The following GLIS2 variants were observed in gnomAD, a reference collection of about 807,000 sequenced individuals.
The protein encoded by GLIS2 is GLIS family zinc finger 2, also known as zinc finger protein GLIS2.
GLIS2 carries 14 observed loss-of-function variants against 35.6 expected under a neutral mutation model. The ratio of observed to expected loss-of-function variants is 0.39; its 90% CI spans 0.26 to 0.61. GLIS2 has a LOEUF of 0.61. GLIS2 is among the 20% of genes least tolerant of loss of function. The probability of loss-of-function intolerance (pLI) is 0.48; values close to 1 mark genes in which losing one functional copy is unlikely to be tolerated. For missense variants in GLIS2, 675 were observed against 713.4 expected (o/e 0.95, Z 0.61); for synonymous variants, 368 against 325.1 (o/e 1.13, Z -1.42).
At chr16:4,328,949 C>T (rs1303151518) in intron 1 of GLIS2, among the ~76,000 whole-genome samples, 2 of 151,310 alleles carry the variant, frequency 1.3e-5, no homozygotes, top group Non-Finnish European at 3.0e-5. Flanking sequence ...AACCATCCTG[C>T]CCTTGTGGTC....
rs1596242008 is a variant in GLIS2 at position 4,335,443 on chromosome 16, G to A, written c.775+50G>A. ...TGGCCCATGAAGGGGGCGCTCAGCT[G>A]AGACCGGCTGGGCAGGTCCCCAGGG... On this transcript the variant is annotated intron_variant, in intron 6 of 6. Transcript: ENST00000433375. This position sits in a 1 kb window ranked among gnomAD's most constrained non-coding sequence, Gnocchi z 4.6. 1.9e-6 allele frequency: 3 copies of A among 1,549,880 alleles called. No homozygotes were observed. In the African/African-American group the frequency reaches 4.1e-5, roughly 21 times the overall value.
chr16:4,334,127 C>T (rs1236223997), intron 3 of GLIS2, among the ~76,000 whole-genome samples: 4 of 151,632 alleles, frequency 2.6e-5, no homozygotes, highest in African/African-American at 4.8e-5. Flanking sequence ...TTAGTAGAGA[C>T]AGGGTTTCTC....
chr16:4,331,881 C>T (rs747722585), intron 1 of GLIS2: 13 of 317,346 alleles, frequency 4.1e-5, no homozygotes, highest in East Asian at 7.7e-5. Flanking sequence ...CCTAGGAGGT[C>T]GAGGCTGCAG....
In GLIS2 at chr16:4,332,562, G is replaced by C. The variant is rs1273812549; in HGVS notation, c.172+110G>C. 3 of 1,293,948 alleles carry C rather than the reference G, an allele frequency of 2.3e-6. No individual in the cohort carries two copies. The Admixed American group carries it at 5.9e-5, about 26-fold the overall frequency. 80.2% of individuals were successfully genotyped at this position (1,293,948 alleles called of 1,614,324 possible). A position where few individuals can be genotyped will look rare whatever the true frequency, so the allele number is the denominator to read the frequency against. On this transcript the variant is annotated intron_variant, in intron 2 of 6. Transcript: ENST00000433375. This position sits in a 1 kb window ranked among gnomAD's most constrained non-coding sequence, Gnocchi z 5.4. ...GTAGCTGCAGCCCCTCTCGGCTTCC[G>C]GTTCATGGGAAGCCCGCACGCTTGT...
chr16:4,319,876 C>T (rs1438375914), intron 1 of GLIS2, among the ~76,000 whole-genome samples: 2 of 152,148 alleles, frequency 1.3e-5, no homozygotes, highest in African/African-American at 4.8e-5. Context: ...TTCCACTCCC[C>T]CACTCCCCCA....
chr16:4,325,306 TG>T (rs2053419059), intron 1 of GLIS2: 1 of 152,316 alleles, frequency 6.6e-6, no homozygotes, highest in African/African-American at 2.4e-5. Flanking sequence ...GGACAAGCTG[TG>T]GGACCTTGGA....
At chr16:4,334,183 C>A (rs780495393) in intron 3 of GLIS2, among the ~76,000 whole-genome samples, 7 of 151,662 alleles carry the variant, frequency 4.6e-5, no homozygotes, top group Non-Finnish European at 8.8e-5. Context: ...AACTGATCCG[C>A]CCATCTCGGC....
At chr16:4,317,281 C>T (rs2053324027) in intron 1 of GLIS2, among the ~76,000 whole-genome samples, 1 of 152,176 alleles carries the variant, frequency 6.6e-6, no homozygotes, top group African/African-American at 2.4e-5. Context: ...GGCAGCCAGG[C>T]CGGCTGGGGA....
chr16:4,314,939 T>G (rs2053291324), upstream of GLIS2: 1 of 152,216 alleles, frequency 6.6e-6, no homozygotes, highest in African/African-American at 2.4e-5. Flanking sequence ...GGGCACGGGA[T>G]TAGCCCAAAC....
chr16:4,319,877 CA>C (rs2141120008), intron 1 of GLIS2, among the ~76,000 whole-genome samples: 2 of 152,284 alleles, frequency 1.3e-5, no homozygotes, highest in African/African-American at 4.8e-5. Flanking sequence ...TCCACTCCCC[CA>C]CTCCCCCAGA....
chr16:4,331,849 T>C, intron 1 of GLIS2: 1 of 257,800 alleles, frequency 3.9e-6, no homozygotes, highest in South Asian at 4.7e-5. Context: ...CCAGGGAGGC[T>C]GAGGTGGGAG....
intron 1 of GLIS2, among the ~76,000 whole-genome samples, chr16:4,321,577 C>T (rs890660084): frequency 6.6e-6 from 1 of 152,144 alleles, no homozygotes; most frequent in African/African-American, 2.4e-5. Flanking sequence ...AGGCCCCCTC[C>T]TGTGGATGGG....
At chr16:4,325,303 C>G (rs1375625025) in intron 1 of GLIS2, 2 of 152,318 alleles carry the variant, frequency 1.3e-5, no homozygotes, top group Non-Finnish European at 2.9e-5. Flanking sequence ...CACGGACAAG[C>G]TGTGGGACCT....
chr16:4,337,741 G>A lies in GLIS2; in HGVS notation c.*217G>A. On this transcript the variant is annotated 3_prime_UTR_variant, in exon 7 of 7. Coordinates refer to ENST00000433375, the MANE Select transcript of GLIS2 (RefSeq NM_032575.3). ...CATGCAGGGAGAGCTGTGCTCCTGG[G>A]TGCTGAAGCCTCGCTCCTGTCTGTC... 1 of 667,206 alleles carries A rather than the reference G, an allele frequency of 1.5e-6. No individual in the cohort carries two copies. Among genetic ancestry groups the A allele is most frequent in the Non-Finnish European group, 2.6e-6 (1 of 382,506 alleles). 41.3% of individuals were successfully genotyped at this position (667,206 alleles called of 1,614,324 possible).
chr16:4,328,306 C>G (rs368064160), intron 1 of GLIS2: 1 of 152,534 alleles, frequency 6.6e-6, no homozygotes, highest in East Asian at 1.9e-4. Flanking sequence ...TCTGGGCCTC[C>G]GAGGCTTTCA....
intron 1 of GLIS2, among the ~76,000 whole-genome samples, chr16:4,321,950 CTT>C (rs1267429817): frequency 6.6e-6 from 1 of 152,172 alleles, no homozygotes; most frequent in Non-Finnish European, 1.5e-5. Flanking sequence ...AGAGGCAAGT[CTT>C]TGCCCAGCAG....
At position 4,320,078 on chromosome 16, in the gene GLIS2, C is replaced by A. The variant is rs1188868393; in HGVS notation, c.-67+3824C>A. On this transcript the variant is annotated intron_variant, in intron 1 of 6. Transcript: ENST00000433375. The surrounding 1 kb of genome is among the most constrained non-coding windows in gnomAD (Gnocchi z 5.6). ...GCGGGTGACTTGGGCTCCTCGTGCC[C>A]TTTGTCTTCGGTGCTTGAGAGGCCA... Among the ~76,000 whole-genome samples the A allele has an allele frequency of 6.6e-6, 1 of 152,066 alleles. No homozygotes were observed. Among genetic ancestry groups the A allele is most frequent in the African/African-American group, 2.4e-5 (1 of 41,412 alleles).
Position 4,332,552 on chromosome 16 carries a change from C to A in GLIS2, c.172+100C>A. 1 of 1,393,042 alleles carries A rather than the reference C, an allele frequency of 7.2e-7. No homozygotes were observed. The highest frequency in any genetic ancestry group is 2.5e-5 in the East Asian group (1 of 40,446). The allele number at this position is 1,393,042 out of a possible 1,614,324, so 86.3% of individuals were successfully genotyped here. On this transcript the variant is annotated intron_variant, in intron 2 of 6. Transcript: ENST00000433375. This position sits in a 1 kb window ranked among gnomAD's most constrained non-coding sequence, Gnocchi z 5.4. ...CCACCAGCATGTAGCTGCAGCCCCT[C>A]TCGGCTTCCGGTTCATGGGAAGCCC... is the stretch of plus-strand genomic sequence containing the variant.
chr16:4,321,732 G>A (rs2053381984), intron 1 of GLIS2, among the ~76,000 whole-genome samples: 1 of 152,154 alleles, frequency 6.6e-6, no homozygotes, highest in South Asian at 2.1e-4. Flanking sequence ...AGCCACAGCG[G>A]GTTTGGAGCT....
Sources: allele counts gnomAD v4.1 joint callset (sites outside exome capture counted in the v4.1 genomes callset), GRCh38; gene constraint gnomAD v4.1.1; non-coding constraint Gnocchi (gnomAD v3.1); transcripts MANE v1.5; gene names NCBI Gene and HGNC (gene_info 2026-07-23, HGNC 2026-07-21).